Variants in RIC1 observed in about 807,000 individuals in gnomAD.
The protein encoded by RIC1 is guanine nucleotide exchange factor subunit RIC1.
In RIC1, 88 loss-of-function variants were observed where a neutral mutation model predicts 169.0. That is an observed-to-expected ratio of 0.52 (90% CI 0.44 to 0.62). The LOEUF is 0.62. RIC1 is among the 20% of genes least tolerant of loss of function. The pLI, the probability that RIC1 is intolerant of heterozygous loss-of-function variation, is 0.00. For synonymous variants in RIC1, 790 were observed against 601.5 expected (o/e 1.31, Z -4.59); for missense variants, 1,877 against 1,725.5 (o/e 1.09, Z -1.56).
intron 12 of RIC1, among the ~76,000 whole-genome samples, chr9:5,752,535 G>T (rs1330897723): frequency 6.6e-6 from 1 of 151,720 alleles, no homozygotes; most frequent in Non-Finnish European, 1.5e-5. Context: ...CTGCCTCCCG[G>T]GTTCAAGCGA....
intron 3 of RIC1, among the ~76,000 whole-genome samples, chr9:5,692,628 A>C (rs1193088108): frequency 1.3e-5 from 2 of 152,046 alleles, no homozygotes; most frequent in Admixed American, 6.5e-5. Context: ...TATGTTACTT[A>C]GTCTAGTGAG....
rs941866342 is a variant in RIC1 at position 5,774,539 on chromosome 9, G to A, written c.*293G>A. ...AAAGGTTGGTAGCTCTTAAACCACA[G>A]GAATTGTTTTGCCCCAGGTGAGCTT... is the stretch of plus-strand genomic sequence containing the variant. On this transcript the variant is annotated 3_prime_UTR_variant, in exon 26 of 26. Coordinates refer to ENST00000414202, the MANE Select transcript of RIC1 (RefSeq NM_020829.4). The A allele has an allele frequency of 1.8e-5, 4 of 228,202 alleles. No homozygotes were observed. Among genetic ancestry groups the A allele is most frequent in the Non-Finnish European group, 3.4e-5 (4 of 117,914 alleles). 14.1% of individuals were successfully genotyped at this position (228,202 alleles called of 1,614,324 possible). A position where few individuals can be genotyped will look rare whatever the true frequency, so the allele number is the denominator to read the frequency against.
At chr9:5,635,616 G>C (rs771233342) in intron 1 of RIC1, among the ~76,000 whole-genome samples, 1 of 152,132 alleles carries the variant, frequency 6.6e-6, no homozygotes, top group Non-Finnish European at 1.5e-5. Flanking sequence ...AGGTTGATAT[G>C]GTTTGGCTCT....
chr9:5,724,889 G>C (rs1472550015), intron 6 of RIC1, among the ~76,000 whole-genome samples: 1 of 152,174 alleles, frequency 6.6e-6, no homozygotes, highest in Non-Finnish European at 1.5e-5. Context: ...AACCAGCCTT[G>C]CATCCCAGGG....
chr9:5,762,680 T>C lies in RIC1; in HGVS notation c.2112+20T>C, dbSNP rs776580563. 3.8e-5 allele frequency: 61 copies of C among 1,609,946 alleles called. No individual in the cohort carries two copies. The highest frequency in any genetic ancestry group is 1.6e-4 in the Middle Eastern group (1 of 6,066). On this transcript the variant is annotated intron_variant, in intron 18 of 25. Coordinates refer to ENST00000414202, the MANE Select transcript of RIC1 (RefSeq NM_020829.4). The stretch of plus-strand genomic sequence containing the variant: ...AAACTTGTGAGTAAAGTACTAGTCA[T>C]TTCTTTTCAAACATTAAGAAGGTAT...
chr9:5,751,179 T>A (rs1433696996), intron 12 of RIC1, among the ~76,000 whole-genome samples: 4 of 151,500 alleles, frequency 2.6e-5, no homozygotes, highest in Non-Finnish European at 5.9e-5. Flanking sequence ...TTGAGGGAGG[T>A]AAGGATTCCT....
intron 2 of RIC1, among the ~76,000 whole-genome samples, chr9:5,668,950 TC>T (rs1177293057): frequency 6.6e-6 from 1 of 152,194 alleles, no homozygotes; most frequent in Non-Finnish European, 1.5e-5. Context: ...CTTTTCTGTT[TC>T]TTTTTATGTG....
At chr9:5,722,666 C>G (rs755869759) in intron 6 of RIC1, among the ~76,000 whole-genome samples, 1 of 152,110 alleles carries the variant, frequency 6.6e-6, no homozygotes, top group Non-Finnish European at 1.5e-5. Context: ...ATTAACTCGT[C>G]ATTTACATTA....
intron 4 of RIC1, among the ~76,000 whole-genome samples, chr9:5,718,102 T>A (rs1485670326): frequency 4.3e-5 from 5 of 116,456 alleles, no homozygotes; most frequent in South Asian, 5.9e-4. Context: ...ATGGTACCAC[T>A]GCACTCCAGC....
At position 5,742,939 on chromosome 9, in the gene RIC1, C is replaced by G. The variant is rs892495531; in HGVS notation, c.972C>G (p.Thr324=). The G allele has an allele frequency of 6.2e-7, 1 of 1,613,320 alleles. No homozygotes were observed. Residue 324 remains threonine, a synonymous_variant, in exon 9 of 26, where the codon ACC becomes ACG. Coordinates refer to ENST00000414202, the MANE Select transcript of RIC1 (RefSeq NM_020829.4). The stretch of plus-strand genomic sequence containing the variant: ...CTGACAATAGTGTTGTAATAGTGAC[C>G]TGGGAATACGGAGGCCTTTCTTTAT... ...WSPDNSVVIV[T]WEYGGLSLWS... is the part of the protein sequence containing the mutation.
At chr9:5,744,938 C>T (rs1327719898) in intron 10 of RIC1, among the ~76,000 whole-genome samples, 1 of 152,136 alleles carries the variant, frequency 6.6e-6, no homozygotes, top group Non-Finnish European at 1.5e-5. Context: ...CAGAGGAAGA[C>T]ATTCTTCTGA....
chr9:5,640,850 A>C (rs767418010), intron 1 of RIC1, among the ~76,000 whole-genome samples: 33 of 151,818 alleles, frequency 2.2e-4, no homozygotes, highest in East Asian at 1.9e-4. Context: ...CTTGAAGGAT[A>C]TTTTCACTGG....
chr9:5,758,843 C>G lies in RIC1; in HGVS notation c.1992+1392C>G, dbSNP rs1017108005. ...CAGTGCAACCTCTGCCTCCCAGGCTCAAGCAATTCTCCCGCCTCAGCCTCC... is the reference window on the plus strand; with the variant it reads ...CAGTGCAACCTCTGCCTCCCAGGCTGAAGCAATTCTCCCGCCTCAGCCTCC... On this transcript the variant is annotated intron_variant, in intron 17 of 25. Transcript: ENST00000414202. Among the ~76,000 whole-genome samples the G allele has an allele frequency of 1.4e-4, 21 of 150,446 alleles. 1 individual carries two copies. The highest frequency in any genetic ancestry group is 1.1e-3 in the Admixed American group (17 of 15,002).
intron 1 of RIC1, 123 bp from the exon 2 acceptor site, chr9:5,656,460 T>G: frequency 3.9e-6 from 2 of 508,730 alleles, no homozygotes; most frequent in Non-Finnish European, 6.9e-6. Flanking sequence ...TAGTTTAATA[T>G]CAATATTGTC....
At chr9:5,709,349 C>T (rs1352508970) in intron 3 of RIC1, among the ~76,000 whole-genome samples, 1 of 152,140 alleles carries the variant, frequency 6.6e-6, no homozygotes, top group Admixed American at 6.5e-5. Flanking sequence ...ACAGAGGTTA[C>T]TGTGTTAGTC....
chr9:5,719,452 G>A (rs530052957), intron 4 of RIC1: 3 of 152,248 alleles, frequency 2.0e-5, no homozygotes, highest in South Asian at 2.1e-4. Flanking sequence ...CTCTGAAGAC[G>A]GAGAATATTT....
intron 3 of RIC1, among the ~76,000 whole-genome samples, chr9:5,701,101 G>T (rs1412282641): frequency 6.6e-6 from 1 of 152,102 alleles, no homozygotes; most frequent in Admixed American, 6.5e-5. Flanking sequence ...TATTTCATTA[G>T]TGCAAGTAAA....
At chr9:5,650,569 A>G (rs936509608) in intron 1 of RIC1, among the ~76,000 whole-genome samples, 5 of 151,876 alleles carry the variant, frequency 3.3e-5, no homozygotes, top group African/African-American at 9.7e-5. Context: ...TGGGGCAGGT[A>G]TGGTATGCTT....
At chr9:5,673,365 G>T (rs1320337789) in intron 2 of RIC1, among the ~76,000 whole-genome samples, 1 of 151,452 alleles carries the variant, frequency 6.6e-6, no homozygotes, top group African/African-American at 2.4e-5. Context: ...TCTAATGCAG[G>T]CATAAACAGG....
Sources: allele counts gnomAD v4.1 joint callset (sites outside exome capture counted in the v4.1 genomes callset), GRCh38; gene constraint gnomAD v4.1.1; transcripts MANE v1.5; gene names NCBI Gene and HGNC (gene_info 2026-07-23, HGNC 2026-07-21).